SYNE1: variants seen among roughly 807,000 people sequenced by gnomAD.
SYNE1 encodes the protein spectrin repeat containing nuclear envelope protein 1.
In SYNE1, 616 loss-of-function variants were observed where a neutral mutation model predicts 1,111.0. That is an observed-to-expected ratio of 0.55 (90% CI 0.52 to 0.59). SYNE1 has a LOEUF of 0.59. Ranked by LOEUF, SYNE1 falls within the 20% of genes least tolerant of loss-of-function variation. The pLI is 0.00. For missense variants in SYNE1, 10,006 were observed against 10,417.0 expected (o/e 0.96, Z 1.72); for synonymous variants, 3,855 against 3,825.8 (o/e 1.01, Z -0.28).
intron 129 of SYNE1, 135 bp downstream of exon 129, chr6:152,180,001 A>G: frequency 9.8e-7 from 1 of 1,020,866 alleles, no homozygotes; most frequent in Non-Finnish European, 1.4e-6. Flanking sequence ...ATTTTATATT[A>G]AAAAGATAAA....
rs758591915 is a variant in SYNE1 at position 152,155,024 on chromosome 6, T to G, written c.23997A>C (p.Arg7999=). ...ERRLKIEETW[R]LWQKFLDDYS... is the part of the protein sequence containing the mutation. Reference sequence around the variant, plus strand: ...AGTCATCCAGAAATTTCTGCCACAATCGCCACGTCTCTTCGATTCTGGGGC... The same window carrying G: ...AGTCATCCAGAAATTTCTGCCACAAGCGCCACGTCTCTTCGATTCTGGGGC... Residue 7999 remains arginine (R), a synonymous_variant, in exon 133 of 146, where the codon CGA becomes CGC. Transcript: ENST00000367255. The G allele has an allele frequency of 6.2e-7, 1 of 1,614,078 alleles. No individual in the cohort carries two copies. The highest frequency in any genetic ancestry group is 1.1e-5 in the South Asian group (1 of 91,076).
At chr6:152,441,715 TA>T (rs1281333156) in intron 31 of SYNE1, among the ~76,000 whole-genome samples, 1 of 152,110 alleles carries the variant, frequency 6.6e-6, no homozygotes, top group Non-Finnish European at 1.5e-5. Context: ...CAATAAAGCA[TA>T]AAGGTGGCAT....
rs774018511 is a variant in SYNE1 at position 152,308,509 on chromosome 6, C to A, written c.17326G>T (p.Ala5776Ser). 5.9e-5 allele frequency: 95 copies of A among 1,613,986 alleles called. No homozygotes were observed. Among genetic ancestry groups the A allele is most frequent in the Non-Finnish European group, 7.8e-5 (92 of 1,180,020 alleles). ...CTCACCTCATGCCGAGAAATCTGAG[C>A]CTGCAGCTCCTGTATGTTACTGGTG... ...VATSNIQELQ[A>S]QISRHEELAQ... Residue 5776 changes from alanine (A) to serine (S), a missense_variant, in exon 91 of 146, where the codon GCT becomes TCT. This residue lies in a region of SYNE1 where 4,955 missense variants were observed against 5,017.2 expected (regional missense o/e 0.99). Transcript: ENST00000367255.
chr6:152,628,150 A>G (rs999494404), intron 3 of SYNE1, 115 bp downstream of exon 3: 7 of 1,126,292 alleles, frequency 6.2e-6, no homozygotes, highest in African/African-American at 6.1e-5. Context: ...AAAGACATCC[A>G]TCCCATTCTG....
chr6:152,481,653 C>A, intron 14 of SYNE1: 1 of 407,908 alleles, frequency 2.5e-6, no homozygotes, highest in Non-Finnish European at 4.8e-6. Context: ...TGCTTAGTTG[C>A]TAATTTGCTA....
rs758601183 is a variant in SYNE1 at position 152,539,940 on chromosome 6, T to C, written c.129+20A>G. The C allele has an allele frequency of 1.2e-6, 2 of 1,613,712 alleles. No individual in the cohort carries two copies. Among genetic ancestry groups the C allele is most frequent in the Non-Finnish European group, 1.7e-6 (2 of 1,179,686 alleles). Reference sequence around the variant, plus strand: ...TGGCTCAACCTAAGTAAACCTGTAATGCTGGGTAGTTTCCTTTACCTTGGC... The same window carrying C: ...TGGCTCAACCTAAGTAAACCTGTAACGCTGGGTAGTTTCCTTTACCTTGGC... On this transcript the variant is annotated intron_variant, in intron 4 of 145. Coordinates refer to ENST00000367255, the MANE Select transcript of SYNE1 (RefSeq NM_182961.4).
intron 14 of SYNE1, among the ~76,000 whole-genome samples, chr6:152,473,635 C>T (rs1435410607): frequency 6.6e-6 from 1 of 152,162 alleles, no homozygotes. Flanking sequence ...GAACTCATCA[C>T]AGGAGGGTAG....
At chr6:152,246,957 C>T (rs2087358677) in intron 105 of SYNE1, among the ~76,000 whole-genome samples, 1 of 152,186 alleles carries the variant, frequency 6.6e-6, no homozygotes, top group South Asian at 2.1e-4. Context: ...GGTATAAGAA[C>T]ATTTTCAGAC....
rs544347731 is a variant in SYNE1 at position 152,217,469 on chromosome 6, T to C, written c.22191+788A>G. On this transcript the variant is annotated intron_variant, in intron 121 of 145. Transcript: ENST00000367255. The stretch of plus-strand genomic sequence containing the variant: ...ATTATAATCGTATATATTTATGGAG[T>C]ATGATATGATGTTTTCACACAATGT... 2.6e-4 allele frequency among the ~76,000 whole-genome samples: 40 copies of C among 151,578 alleles called. 1 individual carries two copies. The highest frequency in any genetic ancestry group is 6.9e-3 in the Middle Eastern group (2 of 288).
At chr6:152,354,393 A>G (rs2096797567) in intron 67 of SYNE1, among the ~76,000 whole-genome samples, 2 of 152,228 alleles carry the variant, frequency 1.3e-5, no homozygotes. Flanking sequence ...TAATACAAGC[A>G]TTCATGTATC....
At chr6:152,276,262 C>G (rs1029755094) in intron 98 of SYNE1, among the ~76,000 whole-genome samples, 1 of 151,958 alleles carries the variant, frequency 6.6e-6, no homozygotes, top group Admixed American at 6.6e-5. Flanking sequence ...CTCAAACTCC[C>G]GACCTCAGGT....
intron 5 of SYNE1, among the ~76,000 whole-genome samples, chr6:152,521,163 C>T (rs552942355): frequency 2.0e-5 from 3 of 152,226 alleles, no homozygotes; most frequent in African/African-American, 7.2e-5. Flanking sequence ...TTGAGACCTA[C>T]TTTTCCACAT....
intron 4 of SYNE1, among the ~76,000 whole-genome samples, chr6:152,532,834 G>T (rs2099211110): frequency 6.6e-6 from 1 of 152,078 alleles, no homozygotes; most frequent in African/African-American, 2.4e-5. Flanking sequence ...GGACCAGTCT[G>T]GAGTTTTGCA....
chr6:152,168,774 G>A (rs2064329130), intron 130 of SYNE1, among the ~76,000 whole-genome samples: 1 of 152,112 alleles, frequency 6.6e-6, no homozygotes, highest in African/African-American at 2.4e-5. Flanking sequence ...TTATCTTTGA[G>A]TAGACTATTT....
chr6:152,296,635 G>A (rs1414650740), intron 93 of SYNE1, among the ~76,000 whole-genome samples: 1 of 152,224 alleles, frequency 6.6e-6, no homozygotes, highest in Admixed American at 6.5e-5. Flanking sequence ...CTGGCAGCCT[G>A]TGGGCTGCCT....
At chr6:152,302,420 GAAATTTACC>G (rs2095226408) in intron 91 of SYNE1, among the ~76,000 whole-genome samples, 1 of 152,254 alleles carries the variant, frequency 6.6e-6, no homozygotes, top group African/African-American at 2.4e-5. Flanking sequence ...GAAAGCATCT[GAAATTTACC>G]AGATGGTTCC....
chr6:152,453,625 C>T lies in SYNE1; in HGVS notation c.2988G>A (p.Gly996=). 6.2e-7 allele frequency: 1 copy of T among 1,614,210 alleles called. No homozygotes were observed. Among genetic ancestry groups the T allele is most frequent in the Non-Finnish European group, 8.5e-7 (1 of 1,180,042 alleles). The stretch of plus-strand genomic sequence containing the variant: ...GGAGCTTTCGAACAGCTTCCTGCAG[C>T]CCCTGCTGCTCCTGCTCTGGAAGGA... ...TDILPEQEQQ[G]LQEAVRKLHK... is the part of the protein sequence containing the mutation. Residue 996 remains glycine, a synonymous_variant, in exon 25 of 146, where the codon GGG becomes GGA. Coordinates refer to ENST00000367255, the MANE Select transcript of SYNE1 (RefSeq NM_182961.4).
rs750263410 is a variant in SYNE1, at chr6:152,416,514, C to A, written c.5923G>T (p.Ala1975Ser). Residue 1975 changes from alanine to serine, a missense_variant, in exon 41 of 146, where the codon GCT (alanine) becomes TCT (serine). By Grantham distance (99) the Ala-to-Ser change is moderately conservative (BLOSUM62 1). Around this residue, in one of 7 missense-constraint regions of SYNE1, gnomAD observed 4,955 missense variants for 5,017.2 expected, o/e 0.99. Coordinates refer to ENST00000367255, the MANE Select transcript of SYNE1 (RefSeq NM_182961.4). ...AATGCTTTTTTCAACACTGCCAGAG[C>A]ATCTGCCTCACTCTGCTTGGTTCCC... ...LLGTKQSEAD[A>S]LAVLKKAFQD... The A allele has an allele frequency of 1.9e-6, 3 of 1,613,950 alleles. No homozygotes were observed. The highest frequency in any genetic ancestry group is 2.2e-5 in the East Asian group (1 of 44,868).
At chr6:152,466,321 A>T (rs1197967913) in intron 16 of SYNE1, among the ~76,000 whole-genome samples, 1 of 152,218 alleles carries the variant, frequency 6.6e-6, no homozygotes, top group East Asian at 1.9e-4. Flanking sequence ...TTTCTTCACC[A>T]ACCAAGGGTT....
Sources: allele counts gnomAD v4.1 joint callset (sites outside exome capture counted in the v4.1 genomes callset), GRCh38; gene constraint gnomAD v4.1.1; regional missense constraint gnomAD v4.1.1; transcripts MANE v1.5; gene names NCBI Gene and HGNC (gene_info 2026-07-23, HGNC 2026-07-21).